Variants in DTNA observed in about 807,000 individuals in gnomAD.
The protein encoded by DTNA is dystrophin-related protein 3.
A neutral mutation model predicts 100.7 loss-of-function variants in DTNA; 43 were observed. That is an observed-to-expected ratio of 0.43 (90% CI 0.33 to 0.55). The LOEUF (loss-of-function observed/expected upper bound fraction) is 0.55. Ranked by LOEUF, DTNA falls within the 20% of genes least tolerant of loss-of-function variation. DTNA has a pLI of 0.04. For synonymous variants in DTNA, 349 were observed against 347.9 expected (o/e 1.00, Z -0.04); for missense variants, 798 against 953.9 (o/e 0.84, Z 2.15).
intron 1 of DTNA, among the ~76,000 whole-genome samples, chr18:34,720,664 A>G (rs913116109): frequency 5.9e-5 from 9 of 152,178 alleles, no homozygotes; most frequent in Non-Finnish European, 1.2e-4. Context: ...CAGTAATGTC[A>G]CTGGGCAAGT....
chr18:34,710,031 A>G (rs1422825427), upstream of DTNA, among the ~76,000 whole-genome samples: 1 of 152,226 alleles, frequency 6.6e-6, no homozygotes, highest in African/African-American at 2.4e-5. Context: ...TAAAATGCAT[A>G]GAGATATTTC....
chr18:34,504,364 T>C (rs62098462), intron 1 of DTNA, among the ~76,000 whole-genome samples: 15,570 of 152,256 alleles, frequency 0.1, 970 homozygotes, highest in Non-Finnish European at 0.14. Context: ...GACAGTGTTA[T>C]AATTTTTGCT....
chr18:34,826,499 A>T (rs1267098585), intron 9 of DTNA, among the ~76,000 whole-genome samples: 1 of 152,168 alleles, frequency 6.6e-6, no homozygotes, highest in Non-Finnish European at 1.5e-5. Flanking sequence ...TTTTCCCAGA[A>T]TGTCTTCATT....
chr18:34,773,134 A>G (rs755303145), intron 3 of DTNA, among the ~76,000 whole-genome samples: 6 of 152,152 alleles, frequency 3.9e-5, no homozygotes, highest in Non-Finnish European at 7.4e-5. Context: ...TCAGTGACTC[A>G]CGTGTTTATA....
chr18:34,777,135 T>C (rs1165356243), intron 3 of DTNA, among the ~76,000 whole-genome samples: 1 of 152,238 alleles, frequency 6.6e-6, no homozygotes, highest in East Asian at 1.9e-4. Context: ...TACGCTATGC[T>C]ATGTAATTTA....
intron 1 of DTNA, among the ~76,000 whole-genome samples, chr18:34,620,922 T>TA (rs2056368210): frequency 6.6e-6 from 1 of 152,058 alleles, no homozygotes; most frequent in African/African-American, 2.4e-5. Context: ...TTTTTTCTAA[T>TA]AAAAAATGTA....
intron 1 of DTNA, among the ~76,000 whole-genome samples, chr18:34,592,467 A>AACACACACACACACACACACAC (rs3078085): frequency 5.6e-4 from 78 of 139,524 alleles, no homozygotes; most frequent in African/African-American, 1.9e-3. Context: ...ACACTTGTAT[A>AACACACACACACACACACACAC]ACACACACAC....
intron 4 of DTNA, among the ~76,000 whole-genome samples, chr18:34,795,098 C>G (rs779323448): frequency 1.3e-5 from 2 of 152,188 alleles, no homozygotes; most frequent in Non-Finnish European, 2.9e-5. Flanking sequence ...TCCACTTCCA[C>G]TGCTTGTTTT....
intron 1 of DTNA, among the ~76,000 whole-genome samples, chr18:34,515,478 T>A (rs1342081805): frequency 6.6e-6 from 1 of 152,108 alleles, no homozygotes; most frequent in African/African-American, 2.4e-5. Context: ...ACAAAACCAT[T>A]CTTAAAAACA....
At chr18:34,696,493 A>G (rs1004218471) in intron 1 of DTNA, among the ~76,000 whole-genome samples, 1 of 152,122 alleles carries the variant, frequency 6.6e-6, no homozygotes, top group Non-Finnish European at 1.5e-5. Context: ...CAAGAGAATC[A>G]CTTGAACCCG....
At chr18:34,855,970 A>G (rs1190527812) in intron 15 of DTNA, among the ~76,000 whole-genome samples, 1 of 152,198 alleles carries the variant, frequency 6.6e-6, no homozygotes, top group Non-Finnish European at 1.5e-5. Context: ...TTCCAGAATC[A>G]GCATGAAGCA....
chr18:34,604,381 AT>A (rs892346865), intron 1 of DTNA, among the ~76,000 whole-genome samples: 17 of 152,096 alleles, frequency 1.1e-4, no homozygotes, highest in South Asian at 1.0e-3. Flanking sequence ...CTTAGCACAC[AT>A]TTTTTTTCCT....
intron 1 of DTNA, among the ~76,000 whole-genome samples, chr18:34,658,188 G>T (rs1250970037): frequency 6.6e-6 from 1 of 152,122 alleles, no homozygotes; most frequent in Non-Finnish European, 1.5e-5. Context: ...AGGCTACTAG[G>T]AATCCCTCAA....
intron 2 of DTNA, among the ~76,000 whole-genome samples, chr18:34,760,862 A>C (rs2093108102): frequency 6.6e-6 from 1 of 152,156 alleles, no homozygotes; most frequent in African/African-American, 2.4e-5. Flanking sequence ...GAATATACTA[A>C]AGCTCTAATC....
At chr18:34,779,464 T>C (rs183245671) in intron 3 of DTNA, among the ~76,000 whole-genome samples, 13 of 152,324 alleles carry the variant, frequency 8.5e-5, no homozygotes, top group Non-Finnish European at 2.9e-5. Context: ...TGATAACTTA[T>C]TTAGCTTTTT....
chr18:34,592,135 C>G (rs1196658889), intron 1 of DTNA, among the ~76,000 whole-genome samples: 1 of 152,102 alleles, frequency 6.6e-6, no homozygotes, highest in African/African-American at 2.4e-5. Context: ...AGTTGGCAGC[C>G]ACAGCTAGCT....
At chr18:34,742,629 T>TTCTATTATCTATCTAGATAGATCGATAA (rs2090878951) in intron 1 of DTNA, among the ~76,000 whole-genome samples, 1 of 137,688 alleles carries the variant, frequency 7.3e-6, no homozygotes, top group Admixed American at 7.3e-5. Flanking sequence ...TCTGATTATC[T>TTCTATTATCTATCTAGATAGATCGATAA]TCTATTATCT....
At chr18:34,841,322 G>A (rs17557745) in intron 13 of DTNA, among the ~76,000 whole-genome samples, 15,845 of 152,100 alleles carry the variant, frequency 0.1, 1,056 homozygotes, top group South Asian at 0.16. Context: ...CATCCTCCAC[G>A]TATTTACTGA....
At chr18:34,828,900 G>A in intron 10 of DTNA, 1 of 921,728 alleles carries the variant, frequency 1.1e-6, no homozygotes, top group Non-Finnish European at 1.7e-6. Flanking sequence ...ATCTGTAAAA[G>A]ACACAGGTCT....
Sources: allele counts gnomAD v4.1 joint callset (sites outside exome capture counted in the v4.1 genomes callset), GRCh38; gene constraint gnomAD v4.1.1; transcripts MANE v1.5; gene names NCBI Gene and HGNC (gene_info 2026-07-23, HGNC 2026-07-21).